Variants in DLG2 observed in about 807,000 individuals in gnomAD.
The protein encoded by DLG2 is discs large MAGUK scaffold protein 2.
Under a neutral mutation model 132.5 loss-of-function variants are expected in DLG2, and 45 were observed. That is an observed-to-expected ratio of 0.34 (90% confidence interval 0.27 to 0.44). The LOEUF is 0.44. DLG2 is among the 20% of genes least tolerant of loss of function. The pLI is 1.00. For synonymous variants in DLG2, 424 were observed against 419.6 expected, an observed-to-expected ratio of 1.01 and a Z score of -0.13; for missense variants, 1,045 against 1,196.9, an observed-to-expected ratio of 0.87 and a Z score of 1.87.
At chr11:84,199,554 T>G (rs2096565358) in intron 8 of DLG2, among the ~76,000 whole-genome samples, 1 of 151,568 alleles carries the variant, frequency 6.6e-6, no homozygotes, top group South Asian at 2.1e-4. Flanking sequence ...TACATAATAA[T>G]AAAGAAAAAA....
At chr11:84,715,933 G>C (rs2061169483) in intron 6 of DLG2, among the ~76,000 whole-genome samples, 1 of 151,968 alleles carries the variant, frequency 6.6e-6, no homozygotes, top group South Asian at 2.1e-4. Context: ...TATCTAAAAG[G>C]GGATTGCTAG....
chr11:84,965,583 T>C (rs2053204544), intron 6 of DLG2, among the ~76,000 whole-genome samples: 1 of 152,116 alleles, frequency 6.6e-6, no homozygotes, highest in Non-Finnish European at 1.5e-5. Flanking sequence ...ATTTTGTTCA[T>C]GTGTTAACTT....
chr11:84,965,276 T>TG (rs2053161393), intron 6 of DLG2, among the ~76,000 whole-genome samples: 1 of 151,990 alleles, frequency 6.6e-6, no homozygotes, highest in East Asian at 1.9e-4. Context: ...TGGCTGGGTT[T>TG]TTGTGTGTGT....
At chr11:85,462,491 G>A (rs1051761623) in intron 3 of DLG2, among the ~76,000 whole-genome samples, 5 of 152,142 alleles carry the variant, frequency 3.3e-5, no homozygotes, top group South Asian at 2.1e-4. Context: ...ATGAGTTCAT[G>A]TCCTTTCTAG....
intron 6 of DLG2, among the ~76,000 whole-genome samples, chr11:85,012,690 T>C (rs1278620775): frequency 1.3e-5 from 2 of 152,160 alleles, no homozygotes; most frequent in African/African-American, 4.8e-5. Flanking sequence ...CTGTTATGGA[T>C]ATAAAATATT....
At chr11:84,395,512 G>C (rs2098807960) in intron 7 of DLG2, among the ~76,000 whole-genome samples, 1 of 152,032 alleles carries the variant, frequency 6.6e-6, no homozygotes, top group Non-Finnish European at 1.5e-5. Context: ...GACTTCCAAA[G>C]CTTAAACAAT....
intron 18 of DLG2, among the ~76,000 whole-genome samples, chr11:83,734,280 G>T (rs1339799660): frequency 6.6e-6 from 1 of 151,882 alleles, no homozygotes; most frequent in Non-Finnish European, 1.5e-5. Context: ...TTTCCAAATT[G>T]CAAATCACAA....
intron 6 of DLG2, among the ~76,000 whole-genome samples, chr11:84,871,746 CAG>C (rs1001108651): frequency 6.6e-6 from 1 of 150,970 alleles, no homozygotes; most frequent in Non-Finnish European, 1.5e-5. Flanking sequence ...TTTAATGAGA[CAG>C]AGTCTCCTCT....
rs924245406 is a variant in DLG2 at position 84,201,520 on chromosome 11, C to T, written c.574-38009G>A. Among the ~76,000 whole-genome samples, 72 of 151,040 alleles carry T rather than the reference C, an allele frequency of 4.8e-4. No individual in the cohort carries two copies. In the Middle Eastern group the frequency reaches 0.01, roughly 22 times the overall value. ...TTTTTGGAACAGTTTCAGTAGAAAT[C>T]GTATCAGCTCTTCCTTGGACCTCTG... On this transcript the variant is annotated intron_variant, in intron 8 of 27. Transcript: ENST00000376104.
At chr11:85,000,230 T>A (rs1464079396) in intron 6 of DLG2, among the ~76,000 whole-genome samples, 1 of 152,184 alleles carries the variant, frequency 6.6e-6, no homozygotes, top group Non-Finnish European at 1.5e-5. Context: ...AGTATTTTTT[T>A]CCAAAATATG....
chr11:85,284,054 G>C lies in DLG2; in HGVS notation c.186+1166C>G, dbSNP rs1416009301. Among the ~76,000 whole-genome samples the C allele has an allele frequency of 2.0e-5, 3 of 151,968 alleles. No individual in the cohort carries two copies. The East Asian group carries it at 5.8e-4, about 29-fold the overall frequency. ...ATTTTCCAAAAATGTTCAATGTTAT[G>C]ATATGGATAAATGCTATTAGTGTAA... On this transcript the variant is annotated intron_variant, in intron 4 of 27. Coordinates refer to ENST00000376104, the MANE Select transcript of DLG2 (RefSeq NM_001142699.3).
chr11:84,131,942 T>G (rs2094439318), intron 9 of DLG2, among the ~76,000 whole-genome samples: 1 of 151,626 alleles, frequency 6.6e-6, no homozygotes, highest in Admixed American at 6.6e-5. Context: ...CTTCTTCTAC[T>G]TATTGTTTTT....
At chr11:85,478,817 T>A (rs2093214991) in intron 3 of DLG2, among the ~76,000 whole-genome samples, 1 of 152,200 alleles carries the variant, frequency 6.6e-6, no homozygotes, top group Non-Finnish European at 1.5e-5. Context: ...TGGTGCTTGG[T>A]TGTTTAAGCA....
chr11:84,064,145 C>T (rs977900390), intron 10 of DLG2, among the ~76,000 whole-genome samples: 5 of 151,788 alleles, frequency 3.3e-5, no homozygotes, highest in Admixed American at 1.3e-4. Flanking sequence ...AAAATTTTTC[C>T]GCCATTGAAG....
At chr11:84,281,354 C>T (rs565821537) in intron 7 of DLG2, among the ~76,000 whole-genome samples, 2 of 151,736 alleles carry the variant, frequency 1.3e-5, no homozygotes, top group East Asian at 3.9e-4. Context: ...AATAGAGAAG[C>T]CACAGAATGA....
intron 7 of DLG2, among the ~76,000 whole-genome samples, chr11:84,483,242 G>A (rs1333528625): frequency 6.6e-6 from 1 of 151,966 alleles, no homozygotes; most frequent in Admixed American, 6.6e-5. Context: ...AGACCAGCCT[G>A]GCCAACCTAG....
chr11:84,605,882 A>T (rs1250301792), intron 6 of DLG2, among the ~76,000 whole-genome samples: 1 of 152,010 alleles, frequency 6.6e-6, no homozygotes, highest in Non-Finnish European at 1.5e-5. Context: ...CATGCTGTGG[A>T]ATTTACAACC....
chr11:85,503,757 C>T (rs558474096), intron 3 of DLG2, among the ~76,000 whole-genome samples: 1 of 152,158 alleles, frequency 6.6e-6, no homozygotes, highest in Non-Finnish European at 1.5e-5. Flanking sequence ...CACAGCAAGA[C>T]ATTATTTCTA....
intron 3 of DLG2, among the ~76,000 whole-genome samples, chr11:85,377,459 G>A (rs1390086484): frequency 6.6e-6 from 1 of 152,060 alleles, no homozygotes; most frequent in African/African-American, 2.4e-5. Flanking sequence ...AAAGTACTGG[G>A]CTTGAATGTC....
Sources: allele counts gnomAD v4.1 joint callset (sites outside exome capture counted in the v4.1 genomes callset), GRCh38; gene constraint gnomAD v4.1.1; transcripts MANE v1.5; gene names NCBI Gene and HGNC (gene_info 2026-07-23, HGNC 2026-07-21).